KCNMA1: variants seen among roughly 807,000 people sequenced by gnomAD.
KCNMA1 encodes the protein potassium calcium-activated channel subfamily M alpha 1.
Under a neutral mutation model 140.0 loss-of-function variants are expected in KCNMA1, and 29 were observed. The ratio of observed to expected loss-of-function variants is 0.21; its 90% CI spans 0.15 to 0.28. The LOEUF (loss-of-function observed/expected upper bound fraction) is 0.28. Ranked by LOEUF, KCNMA1 falls within the 10% of genes least tolerant of loss-of-function variation. KCNMA1 has a pLI of 1.00. For missense variants in KCNMA1, 880 were observed against 1,602.2 expected, an observed-to-expected ratio of 0.55 and a Z score of 7.70; for synonymous variants, 612 against 611.9, an observed-to-expected ratio of 1.00 and a Z score of 0.00.
At chr10:77,611,264 T>A (rs1034997654) in intron 1 of KCNMA1, among the ~76,000 whole-genome samples, 1 of 152,256 alleles carries the variant, frequency 6.6e-6, no homozygotes, top group African/African-American at 2.4e-5. Flanking sequence ...GTGCTAGGAA[T>A]GCTGGTGCAA....
chr10:77,594,839 C>T (rs979283306), intron 1 of KCNMA1, among the ~76,000 whole-genome samples: 7 of 152,162 alleles, frequency 4.6e-5, no homozygotes, highest in Non-Finnish European at 1.0e-4. Flanking sequence ...ATCCTGCTCC[C>T]TCTTTTTCTC....
intron 9 of KCNMA1, among the ~76,000 whole-genome samples, chr10:77,103,170 AAAG>A (rs2097135272): frequency 6.6e-6 from 1 of 152,234 alleles, no homozygotes; most frequent in Non-Finnish European, 1.5e-5. Flanking sequence ...CATTTACAAT[AAAG>A]AAGATAATTA....
intron 1 of KCNMA1, among the ~76,000 whole-genome samples, chr10:77,598,220 C>T (rs1211149633): frequency 2.0e-5 from 3 of 152,210 alleles, no homozygotes; most frequent in African/African-American, 7.2e-5. Context: ...ATCCGCCCAC[C>T]TTGGCCTCCC....
At chr10:77,545,013 G>A (rs2061087913) in intron 1 of KCNMA1, among the ~76,000 whole-genome samples, 2 of 152,274 alleles carry the variant, frequency 1.3e-5, no homozygotes, top group South Asian at 2.1e-4. Context: ...GGTGCAAAAT[G>A]TACCGAGAAG....
intron 18 of KCNMA1, among the ~76,000 whole-genome samples, chr10:77,004,685 A>G (rs1048829261): frequency 9.9e-5 from 15 of 152,208 alleles, no homozygotes; most frequent in African/African-American, 3.6e-4. Context: ...AAATTAAATT[A>G]TATCAAAGTT....
chr10:77,405,338 C>T (rs2096436347), intron 1 of KCNMA1, among the ~76,000 whole-genome samples: 1 of 152,210 alleles, frequency 6.6e-6, no homozygotes, highest in African/African-American at 2.4e-5. Flanking sequence ...TTACTTCTTT[C>T]ACTTACTGTC....
chr10:76,880,511 G>A (rs567741010), downstream of KCNMA1, among the ~76,000 whole-genome samples: 8 of 152,150 alleles, frequency 5.3e-5, no homozygotes, highest in African/African-American at 1.7e-4. Flanking sequence ...TTCAGGAAAC[G>A]GAACTGTATG....
intron 1 of KCNMA1, among the ~76,000 whole-genome samples, chr10:77,452,948 T>A (rs528503279): frequency 2.0e-5 from 3 of 152,140 alleles, no homozygotes; most frequent in Non-Finnish European, 4.4e-5. Flanking sequence ...AGACCCTAAA[T>A]TTGGGAAAGT....
chr10:77,485,570 G>A (rs2098450764), intron 1 of KCNMA1, among the ~76,000 whole-genome samples: 1 of 152,212 alleles, frequency 6.6e-6, no homozygotes. Context: ...AGTAAGGATG[G>A]CTCAGCCAAA....
intron 2 of KCNMA1, among the ~76,000 whole-genome samples, chr10:77,377,038 A>C (rs1179529498): frequency 1.3e-5 from 2 of 152,160 alleles, no homozygotes; most frequent in Non-Finnish European, 2.9e-5. Flanking sequence ...CTTAGATTAC[A>C]GTGCTAAGTT....
intron 1 of KCNMA1, among the ~76,000 whole-genome samples, chr10:77,491,749 ACACAC>A (rs2039991586): frequency 7.6e-6 from 1 of 132,276 alleles, no homozygotes; most frequent in African/African-American, 2.8e-5. Flanking sequence ...ACACACACAC[ACACAC>A]CCTACATATA....
chr10:77,064,686 G>A (rs546097243), intron 14 of KCNMA1, among the ~76,000 whole-genome samples: 4 of 152,270 alleles, frequency 2.6e-5, no homozygotes, highest in Non-Finnish European at 4.4e-5. Flanking sequence ...GTGGCACTGC[G>A]GGAGGCAGCA....
At chr10:77,267,360 GC>G (rs1477026493) in intron 2 of KCNMA1, among the ~76,000 whole-genome samples, 1 of 152,134 alleles carries the variant, frequency 6.6e-6, no homozygotes, top group Non-Finnish European at 1.5e-5. Context: ...GGCCCAGAGA[GC>G]TTAAATGCCC....
chr10:77,531,805 C>A (rs1050610559), intron 1 of KCNMA1, among the ~76,000 whole-genome samples: 4 of 152,192 alleles, frequency 2.6e-5, no homozygotes, highest in Non-Finnish European at 5.9e-5. Flanking sequence ...CAAGGAAAAA[C>A]CAGAGCCAAG....
chr10:77,175,362 G>A (rs1417663986), intron 5 of KCNMA1, among the ~76,000 whole-genome samples: 2 of 152,204 alleles, frequency 1.3e-5, no homozygotes, highest in Non-Finnish European at 2.9e-5. Context: ...GAGAATGACT[G>A]TGAGATGCTG....
intron 1 of KCNMA1, among the ~76,000 whole-genome samples, chr10:77,632,694 CTTTA>C (rs1301520804): frequency 6.6e-6 from 1 of 152,316 alleles, no homozygotes; most frequent in African/African-American, 2.4e-5. Flanking sequence ...GGCTCAAAAA[CTTTA>C]TTTGTTATAG....
intron 2 of KCNMA1, among the ~76,000 whole-genome samples, chr10:77,356,112 A>G (rs926018256): frequency 6.6e-6 from 1 of 152,198 alleles, no homozygotes; most frequent in Middle Eastern, 3.2e-3. Flanking sequence ...GAGCAATTAC[A>G]TACAGCTCAA....
chr10:77,113,868 A>G (rs898842185), intron 6 of KCNMA1, among the ~76,000 whole-genome samples: 3 of 152,228 alleles, frequency 2.0e-5, no homozygotes, highest in Non-Finnish European at 4.4e-5. Context: ...AAGAGCAGCT[A>G]AAATCTACAT....
At chr10:77,127,765 G>A (rs145862793) in intron 5 of KCNMA1, among the ~76,000 whole-genome samples, 2,035 of 152,230 alleles carry the variant, frequency 0.013, 27 homozygotes, top group South Asian at 0.04. Flanking sequence ...TTGAGGTCAG[G>A]AGTTCGAGAC....
Sources: allele counts gnomAD v4.1 joint callset (sites outside exome capture counted in the v4.1 genomes callset), GRCh38; gene constraint gnomAD v4.1.1; transcripts MANE v1.5; gene names NCBI Gene and HGNC (gene_info 2026-07-23, HGNC 2026-07-21).